The following TTC7A variants were observed in gnomAD, a reference collection of about 807,000 sequenced individuals.
The protein encoded by TTC7A is tetratricopeptide repeat protein 7A.
TTC7A carries 110 observed loss-of-function variants against 103.7 expected under a neutral mutation model. That is an observed-to-expected ratio of 1.06 (90% CI 0.91 to 1.24). The LOEUF is 1.24. TTC7A is among the 50% of genes most tolerant of loss of function. The pLI is 0.00. For synonymous variants in TTC7A, 521 were observed against 467.9 expected, an observed-to-expected ratio of 1.11 and a Z score of -1.47; for missense variants, 1,340 against 1,116.3, an observed-to-expected ratio of 1.20 and a Z score of -2.86.
At chr2:47,014,416 G>T (rs1461369081) in intron 11 of TTC7A, among the ~76,000 whole-genome samples, 5 of 152,190 alleles carry the variant, frequency 3.3e-5, no homozygotes, top group Non-Finnish European at 7.4e-5. Context: ...ATATCCAAGG[G>T]TTCTGAGAAG....
chr2:46,919,457 CG>C (rs945641997), intron 2 of TTC7A, among the ~76,000 whole-genome samples: 1 of 152,204 alleles, frequency 6.6e-6, no homozygotes, highest in Admixed American at 6.5e-5. Flanking sequence ...TGCTTGAACC[CG>C]GGCAGCAGAG....
At chr2:46,932,204 C>T (rs1229449001) in intron 2 of TTC7A, among the ~76,000 whole-genome samples, 1 of 151,250 alleles carries the variant, frequency 6.6e-6, no homozygotes, top group African/African-American at 2.4e-5. Context: ...GGCTGGAGTG[C>T]AGTGGCGGGG....
chr2:47,061,853 C>T (rs1683808527), intron 19 of TTC7A, among the ~76,000 whole-genome samples: 1 of 152,184 alleles, frequency 6.6e-6, no homozygotes, highest in African/African-American at 2.4e-5. Context: ...AGCTTGCAAG[C>T]CTGCATCTGC....
At chr2:47,056,801 G>A (rs1260840038) in intron 18 of TTC7A, among the ~76,000 whole-genome samples, 10 of 152,200 alleles carry the variant, frequency 6.6e-5, no homozygotes, top group Admixed American at 1.3e-4. Flanking sequence ...GCAGGAGGAT[G>A]ATGAGAGCAG....
At chr2:47,046,464 G>A in intron 16 of TTC7A, 33 bp downstream of exon 16, 1 of 1,578,382 alleles carries the variant, frequency 6.3e-7, no homozygotes, top group Non-Finnish European at 8.7e-7. Flanking sequence ...TGGGTTGCCA[G>A]AGGGTGGTTG....
At chr2:46,956,429 G>A (rs1671856619) in intron 2 of TTC7A, among the ~76,000 whole-genome samples, 1 of 152,110 alleles carries the variant, frequency 6.6e-6, no homozygotes, top group Non-Finnish European at 1.5e-5. Flanking sequence ...AAAATGAGAA[G>A]CCTGGGGCTC....
intron 3 of TTC7A, among the ~76,000 whole-genome samples, chr2:46,959,817 C>T (rs900258668): frequency 6.6e-6 from 1 of 152,132 alleles, no homozygotes; most frequent in Non-Finnish European, 1.5e-5. Flanking sequence ...TTGCAGCAGT[C>T]TTGGGTTTTC....
At position 47,075,929 on chromosome 2, in the gene TTC7A, T is replaced by C. The variant is rs149738390; in HGVS notation, c.*2006T>C. The C allele has an allele frequency of 4.6e-3, 696 of 152,234 alleles. 6 individuals carry two copies. Among genetic ancestry groups the C allele is most frequent in the African/African-American group, 0.016 (661 of 41,418 alleles). 9.4% of individuals were successfully genotyped at this position (152,234 alleles called of 1,614,324 possible). On this transcript the variant is annotated 3_prime_UTR_variant, in exon 20 of 20. Transcript: ENST00000319190. ...GGCAGGACTCACGTCTGAACAGAGA[T>C]CCCCTCGGGCATTGCTGATGGGCCA...
chr2:47,024,490 G>A, intron 14 of TTC7A, 131 bp downstream of exon 14: 1 of 809,542 alleles, frequency 1.2e-6, no homozygotes, highest in South Asian at 1.8e-5. Context: ...TATCTGTCAT[G>A]TAAGTCCTTT....
At chr2:46,930,968 A>G (rs1558479820) in intron 2 of TTC7A, among the ~76,000 whole-genome samples, 1 of 152,154 alleles carries the variant, frequency 6.6e-6, no homozygotes, top group Non-Finnish European at 1.5e-5. Flanking sequence ...CCAAAAGCCA[A>G]TGAAGACAGT....
intron 3 of TTC7A, among the ~76,000 whole-genome samples, chr2:46,965,563 ATT>A (rs55634000): frequency 0.012 from 1,616 of 135,352 alleles, 23 homozygotes; most frequent in African/African-American, 0.041. Flanking sequence ...CCCTGGATTC[ATT>A]TTTTTTTTTT....
chr2:47,074,274 ACT>A lies in TTC7A; in HGVS notation c.*355_*356del. The A allele has an allele frequency of 3.0e-6, 1 of 333,996 alleles. No homozygotes were observed. Among genetic ancestry groups the A allele is most frequent in the Non-Finnish European group, 5.7e-6 (1 of 176,126 alleles). The allele number at this position is 333,996 out of a possible 1,614,324, so 20.7% of individuals were successfully genotyped here. ...TCTGGGTGGGGGGTTCTCACTCCCC[ACT>A]CTCAGCACAGTACAGACTTCTGGAT... On this transcript the variant is annotated 3_prime_UTR_variant, in exon 20 of 20. Coordinates refer to ENST00000319190, the MANE Select transcript of TTC7A (RefSeq NM_020458.4).
At position 46,956,929 on chromosome 2, in the gene TTC7A, G is replaced by A. The variant is rs1402683693; in HGVS notation, c.439G>A (p.Ala147Thr). Residue 147 changes from alanine to threonine, a missense_variant, in exon 3 of 20, where the codon GCC becomes ACC. Coordinates refer to ENST00000319190, the MANE Select transcript of TTC7A (RefSeq NM_020458.4). ...YRDAISMYAR[A>T]GIDDMSMENK... ...AGATGCCATCAGCATGTACGCACGG[G>A]CCGGGATTGATGACATGTCCATGGA... 6.2e-7 allele frequency: 1 copy of A among 1,614,224 alleles called. No homozygotes were observed. Among genetic ancestry groups the A allele is most frequent in the Admixed American group, 1.7e-5 (1 of 60,024 alleles).
chr2:46,979,618 G>C (rs535315846), intron 5 of TTC7A, among the ~76,000 whole-genome samples: 1 of 152,294 alleles, frequency 6.6e-6, no homozygotes, highest in Non-Finnish European at 1.5e-5. Context: ...TAGGCCGGGA[G>C]TGGTTGTTTC....
chr2:47,046,049 G>T lies in TTC7A; in HGVS notation c.1803-266G>T, dbSNP rs536846116. ...TTCAGAGATGGGCAGGATGGCACAT[G>T]GTCAGGGGACACGGGGCATCAGCAG... On this transcript the variant is annotated intron_variant, in intron 15 of 19. Coordinates refer to ENST00000319190, the MANE Select transcript of TTC7A (RefSeq NM_020458.4). Among the ~76,000 whole-genome samples the T allele has an allele frequency of 3.3e-5, 5 of 152,330 alleles. No individual in the cohort carries two copies. The East Asian group carries it at 9.6e-4, about 29-fold the overall frequency.
At chr2:47,071,483 C>T (rs1246345914) in intron 19 of TTC7A, among the ~76,000 whole-genome samples, 1 of 152,212 alleles carries the variant, frequency 6.6e-6, no homozygotes, top group Non-Finnish European at 1.5e-5. Flanking sequence ...TGCTGTCTGC[C>T]CCCGCGGTGA....
rs150465576 is a variant in TTC7A, at chr2:46,950,274, G to A, written c.185-89G>A. ...CTGAGCCATTCATGTACTGGGTATGGGTGGTTGGGTGGGTCCAGGAGTGTG... is the reference window on the plus strand; with the variant it reads ...CTGAGCCATTCATGTACTGGGTATGAGTGGTTGGGTGGGTCCAGGAGTGTG... On this transcript the variant is annotated intron_variant, in intron 1 of 19. Coordinates refer to ENST00000319190, the MANE Select transcript of TTC7A (RefSeq NM_020458.4). 1.7e-4 allele frequency: 239 copies of A among 1,378,408 alleles called. No homozygotes were observed. In the African/African-American group the frequency reaches 3.0e-3, roughly 17 times the overall value. The allele number at this position is 1,378,408 out of a possible 1,614,324, so 85.4% of individuals were successfully genotyped here.
intron 5 of TTC7A, among the ~76,000 whole-genome samples, chr2:46,986,128 C>T (rs1018284566): frequency 1.3e-5 from 2 of 152,226 alleles, no homozygotes; most frequent in Non-Finnish European, 2.9e-5. Context: ...AGCAGAATAC[C>T]TGTCAGATAC....
At chr2:47,050,944 A>C (rs1682808800) in intron 17 of TTC7A, 4 of 152,216 alleles carry the variant, frequency 2.6e-5, no homozygotes, top group Admixed American at 2.6e-4. Context: ...TGCGTCTATG[A>C]CAGAGAGAGA....
Sources: allele counts gnomAD v4.1 joint callset (sites outside exome capture counted in the v4.1 genomes callset), GRCh38; gene constraint gnomAD v4.1.1; transcripts MANE v1.5; gene names NCBI Gene and HGNC (gene_info 2026-07-23, HGNC 2026-07-21).